Variants in AKT3 observed in about 807,000 individuals in gnomAD.
AKT3 encodes AKT serine/threonine kinase 3, also known as RAC-gamma serine/threonine-protein kinase.
A neutral mutation model predicts 65.3 loss-of-function variants in AKT3; 15 were observed. That is an observed-to-expected ratio of 0.23 (90% CI 0.15 to 0.35). AKT3 has a LOEUF of 0.35. Among genes scored for constraint, AKT3 ranks in the 10% least tolerant of loss-of-function variants. The pLI is 1.00. For missense variants in AKT3, 243 were observed against 576.5 expected (o/e 0.42, Z 5.92); for synonymous variants, 206 against 183.8 (o/e 1.12, Z -0.98).
intron 2 of AKT3, among the ~76,000 whole-genome samples, chr1:243,707,192 T>C (rs1433625028): frequency 6.6e-6 from 1 of 152,194 alleles, no homozygotes; most frequent in Non-Finnish European, 1.5e-5. Flanking sequence ...GTACCTAATA[T>C]GTACAATATG....
At position 243,513,112 on chromosome 1, in the gene AKT3, C is replaced by T. The variant is rs139812388; in HGVS notation, c.1252-686G>A. On this transcript the variant is annotated intron_variant, in intron 12 of 13. Coordinates refer to ENST00000673466, the MANE Select transcript of AKT3 (RefSeq NM_005465.7). ...AATCATCTCATTCGCACTGCACCTG[C>T]GGCAGGCATGGCGTTAGGGAAGGTG... is the stretch of plus-strand genomic sequence containing the variant. Among the ~76,000 whole-genome samples the T allele has an allele frequency of 3.7e-3, 563 of 152,262 alleles. 2 individuals carry two copies. Among genetic ancestry groups the T allele is most frequent in the Admixed American group, 6.1e-3 (94 of 15,296 alleles).
intron 2 of AKT3, among the ~76,000 whole-genome samples, chr1:243,721,231 G>A (rs1422900312): frequency 1.3e-5 from 2 of 152,028 alleles, no homozygotes; most frequent in African/African-American, 2.4e-5. Flanking sequence ...ACCTACCCTT[G>A]TCCCAATAAT....
chr1:243,570,378 T>G (rs1483608683), intron 9 of AKT3, among the ~76,000 whole-genome samples: 1 of 152,228 alleles, frequency 6.6e-6, no homozygotes, highest in Non-Finnish European at 1.5e-5. Flanking sequence ...TAAATATATT[T>G]GAAACACTCA....
At chr1:243,493,802 T>C (rs912638090) in intron 13 of AKT3, among the ~76,000 whole-genome samples, 8 of 151,574 alleles carry the variant, frequency 5.3e-5, no homozygotes, top group Non-Finnish European at 8.8e-5. Flanking sequence ...AAAGGACTCA[T>C]AGAAGAGAGC....
chr1:243,775,302 AC>A (rs1361303059), intron 2 of AKT3, among the ~76,000 whole-genome samples: 5 of 151,856 alleles, frequency 3.3e-5, no homozygotes, highest in Non-Finnish European at 7.4e-5. Flanking sequence ...TGCCTCAGCC[AC>A]CCAAGTAGCT....
At chr1:243,699,064 T>C (rs1358105388) in intron 2 of AKT3, among the ~76,000 whole-genome samples, 2 of 152,056 alleles carry the variant, frequency 1.3e-5, no homozygotes, top group African/African-American at 4.8e-5. Context: ...TGTTGTCAGG[T>C]TGTTCTAAAA....
At chr1:243,731,027 G>A (rs1046152542) in intron 2 of AKT3, among the ~76,000 whole-genome samples, 6 of 152,168 alleles carry the variant, frequency 3.9e-5, no homozygotes, top group African/African-American at 1.4e-4. Context: ...GCAGCCTGCC[G>A]GGCTGAGTGG....
intron 2 of AKT3, among the ~76,000 whole-genome samples, chr1:243,820,092 G>C (rs76469455): frequency 9.9e-5 from 15 of 152,000 alleles, no homozygotes; most frequent in Non-Finnish European, 2.2e-4. Context: ...CTAATTTTTT[G>C]TATTTTTTAG....
intron 8 of AKT3, among the ~76,000 whole-genome samples, chr1:243,599,653 C>T (rs895034288): frequency 7.2e-5 from 11 of 152,082 alleles, no homozygotes; most frequent in Non-Finnish European, 1.5e-5. Context: ...ATTATTTAAA[C>T]TCATCAAATT....
chr1:243,490,976 A>G (rs884328), intron 13 of AKT3, among the ~76,000 whole-genome samples: 28,736 of 152,204 alleles, frequency 0.19, 3,253 homozygotes, highest in East Asian at 0.39. Flanking sequence ...CTCTTGTCAC[A>G]TAGGAGGGAG....
intron 8 of AKT3, among the ~76,000 whole-genome samples, chr1:243,576,492 C>T (rs1032030776): frequency 6.6e-6 from 1 of 152,128 alleles, no homozygotes; most frequent in Non-Finnish European, 1.5e-5. Context: ...AAATCCCATC[C>T]TCTCAGTCCA....
intron 2 of AKT3, among the ~76,000 whole-genome samples, chr1:243,779,390 A>G (rs1162384450): frequency 6.6e-6 from 1 of 152,104 alleles, no homozygotes; most frequent in Admixed American, 6.6e-5. Flanking sequence ...TTTCCAGAGC[A>G]AAAAGAGAAT....
intron 3 of AKT3, among the ~76,000 whole-genome samples, chr1:243,673,140 T>C (rs1683266173): frequency 6.6e-6 from 1 of 152,214 alleles, no homozygotes; most frequent in Non-Finnish European, 1.5e-5. Flanking sequence ...ATTTTAACCA[T>C]TTTAAGTATA....
chr1:243,586,730 G>C (rs1360302285), intron 8 of AKT3, among the ~76,000 whole-genome samples: 1 of 152,110 alleles, frequency 6.6e-6, no homozygotes, highest in South Asian at 2.1e-4. Flanking sequence ...TACTAGAGGA[G>C]GGGAGGGGTT....
At chr1:243,787,449 C>T (rs1691338779) in intron 2 of AKT3, among the ~76,000 whole-genome samples, 1 of 152,110 alleles carries the variant, frequency 6.6e-6, no homozygotes, top group Non-Finnish European at 1.5e-5. Flanking sequence ...ATAGCTGTTT[C>T]CTGGTCCTGG....
chr1:243,828,065 A>AAAC (rs60497718), intron 2 of AKT3, among the ~76,000 whole-genome samples: 111,215 of 150,612 alleles, frequency 0.74, 41,743 homozygotes, highest in Admixed American at 0.81. Context: ...AATGTTTTAA[A>AAAC]AACAACAACA....
intron 3 of AKT3, among the ~76,000 whole-genome samples, chr1:243,694,005 A>G (rs1231460999): frequency 6.6e-6 from 1 of 152,130 alleles, no homozygotes. Context: ...TGCAGCATTT[A>G]TTTCAGCCTC....
chr1:243,557,520 G>A (rs1331795955), intron 10 of AKT3, among the ~76,000 whole-genome samples: 1 of 151,914 alleles, frequency 6.6e-6, no homozygotes, highest in Non-Finnish European at 1.5e-5. Context: ...ATTGAGAGGC[G>A]TTAATTCCAT....
intron 6 of AKT3, among the ~76,000 whole-genome samples, chr1:243,635,455 G>C (rs1227144656): frequency 6.6e-6 from 1 of 151,666 alleles, no homozygotes; most frequent in African/African-American, 2.4e-5. Flanking sequence ...ACAAAGAAAA[G>C]TCAACAAAGC....
Sources: allele counts gnomAD v4.1 joint callset (sites outside exome capture counted in the v4.1 genomes callset), GRCh38; gene constraint gnomAD v4.1.1; transcripts MANE v1.5; gene names NCBI Gene and HGNC (gene_info 2026-07-23, HGNC 2026-07-21).